Variants in BRINP3 observed in about 807,000 individuals in gnomAD.
The protein encoded by BRINP3 is BMP/retinoic acid inducible neural specific 3.
In BRINP3, 19 loss-of-function variants were observed where a neutral mutation model predicts 71.0. The observed-to-expected ratio is 0.27, with a 90% CI of 0.19 to 0.39. The LOEUF is 0.39. BRINP3 is among the 10% of genes least tolerant of loss of function. The pLI is 1.00. For missense variants in BRINP3, 959 were observed against 940.8 expected (o/e 1.02, Z -0.25); for synonymous variants, 380 against 337.7 (o/e 1.13, Z -1.37).
chr1:190,242,137 C>G (rs1458214018), intron 4 of BRINP3, among the ~76,000 whole-genome samples: 4 of 151,754 alleles, frequency 2.6e-5, no homozygotes, highest in Non-Finnish European at 4.4e-5. Context: ...TTATAAGATG[C>G]ATTAAAAACA....
chr1:190,459,376 C>T (rs1039976419), intron 1 of BRINP3, among the ~76,000 whole-genome samples: 1 of 151,340 alleles, frequency 6.6e-6, no homozygotes, highest in African/African-American at 2.4e-5. Context: ...GGTGGTGGTA[C>T]CTTACTTTTA....
chr1:190,473,899 AC>A (rs551856998), intron 1 of BRINP3, among the ~76,000 whole-genome samples: 3 of 141,628 alleles, frequency 2.1e-5, no homozygotes, highest in African/African-American at 7.9e-5. Context: ...AACCCAACCC[AC>A]CCCCACCTCA....
intron 4 of BRINP3, among the ~76,000 whole-genome samples, chr1:190,263,277 T>A (rs1384034362): frequency 6.6e-6 from 1 of 152,170 alleles, no homozygotes; most frequent in African/African-American, 2.4e-5. Context: ...TCTGCATTCA[T>A]GCTGGCTACA....
At chr1:190,246,573 T>C (rs2102794344) in intron 4 of BRINP3, among the ~76,000 whole-genome samples, 1 of 152,190 alleles carries the variant, frequency 6.6e-6, no homozygotes, top group East Asian at 1.9e-4. Flanking sequence ...TTATGTGTTT[T>C]ACATTTTTCT....
At chr1:190,114,526 C>CTGTGTGTG (rs34766118) in intron 7 of BRINP3, among the ~76,000 whole-genome samples, 237 of 143,130 alleles carry the variant, frequency 1.7e-3, no homozygotes, top group South Asian at 4.8e-3. Context: ...AAGTTTGCCA[C>CTGTGTGTG]TGTGTGTGTG....
chr1:190,117,174 T>C (rs1653212228), intron 7 of BRINP3, among the ~76,000 whole-genome samples: 1 of 152,058 alleles, frequency 6.6e-6, no homozygotes, highest in Admixed American at 6.5e-5. Context: ...AGAAGAAGCA[T>C]CTTGTTAAAG....
intron 2 of BRINP3, among the ~76,000 whole-genome samples, chr1:190,283,087 C>G (rs533213643): frequency 2.5e-4 from 38 of 152,026 alleles, no homozygotes; most frequent in Non-Finnish European, 2.4e-4. Flanking sequence ...ACATATTTGA[C>G]AAACAGCCCA....
intron 2 of BRINP3, among the ~76,000 whole-genome samples, chr1:190,418,768 G>C (rs1444977618): frequency 6.6e-6 from 1 of 151,968 alleles, no homozygotes; most frequent in Non-Finnish European, 1.5e-5. Context: ...GTTACGTAAG[G>C]TATGAAGGGA....
At chr1:190,361,463 C>T (rs1669142503) in intron 2 of BRINP3, among the ~76,000 whole-genome samples, 1 of 151,970 alleles carries the variant, frequency 6.6e-6, no homozygotes, top group African/African-American at 2.4e-5. Context: ...AGTGCAGTGG[C>T]ACTATTTCAG....
intron 2 of BRINP3, among the ~76,000 whole-genome samples, chr1:190,398,301 C>T (rs1671709215): frequency 2.0e-5 from 3 of 151,872 alleles, no homozygotes; most frequent in Admixed American, 2.0e-4. Context: ...AGTTTTAAAA[C>T]CTTCTCTGAT....
intron 4 of BRINP3, among the ~76,000 whole-genome samples, chr1:190,253,706 T>A (rs1308611065): frequency 6.6e-6 from 1 of 152,166 alleles, no homozygotes; most frequent in South Asian, 2.1e-4. Flanking sequence ...ATTGCAAAAA[T>A]TTTCTCCCAT....
rs1453746804 is a variant in BRINP3 at position 190,138,142 on chromosome 1, C to T, written c.1184+22526G>A. 9.9e-5 allele frequency among the ~76,000 whole-genome samples: 15 copies of T among 152,048 alleles called. 1 individual carries two copies. The South Asian group carries it at 1.9e-3, about 19-fold the overall frequency. ...GCTAATTTTGTATTTTTAGTAAAGA[C>T]GGGGTTTCTCCATGTTGGTCAGTCT... On this transcript the variant is annotated intron_variant, in intron 7 of 7. Coordinates refer to ENST00000367462, the MANE Select transcript of BRINP3 (RefSeq NM_199051.3).
At chr1:190,124,100 A>G (rs1653896180) in intron 7 of BRINP3, among the ~76,000 whole-genome samples, 1 of 152,178 alleles carries the variant, frequency 6.6e-6, no homozygotes, top group Non-Finnish European at 1.5e-5. Context: ...TCTTCAGTGC[A>G]ACAGTGTTGG....
chr1:190,145,330 C>T (rs1263468955), intron 7 of BRINP3, among the ~76,000 whole-genome samples: 1 of 151,916 alleles, frequency 6.6e-6, no homozygotes, highest in African/African-American at 2.4e-5. Flanking sequence ...CATCTAAATC[C>T]CATTTAATTT....
intron 6 of BRINP3, among the ~76,000 whole-genome samples, chr1:190,225,663 G>A (rs1464368007): frequency 6.6e-6 from 1 of 151,972 alleles, no homozygotes; most frequent in Non-Finnish European, 1.5e-5. Context: ...CTTCATTGTA[G>A]AAATAAGTGA....
At chr1:190,329,499 C>A (rs1666824749) in intron 2 of BRINP3, among the ~76,000 whole-genome samples, 1 of 151,460 alleles carries the variant, frequency 6.6e-6, no homozygotes, top group Non-Finnish European at 1.5e-5. Flanking sequence ...GACCTCTACA[C>A]AGCTACAAAA....
At chr1:190,418,950 G>T (rs1172800433) in intron 2 of BRINP3, among the ~76,000 whole-genome samples, 1 of 151,950 alleles carries the variant, frequency 6.6e-6, no homozygotes, top group Non-Finnish European at 1.5e-5. Flanking sequence ...TAAATTATAT[G>T]ATTTTTACTA....
intron 1 of BRINP3, among the ~76,000 whole-genome samples, chr1:190,467,863 T>G (rs2102693228): frequency 6.6e-6 from 1 of 151,552 alleles, no homozygotes; most frequent in Admixed American, 6.6e-5. Flanking sequence ...GATAACAGTC[T>G]TTACATAAAA....
chr1:190,115,815 G>A (rs1653086538), intron 7 of BRINP3, among the ~76,000 whole-genome samples: 1 of 152,054 alleles, frequency 6.6e-6, no homozygotes, highest in Non-Finnish European at 1.5e-5. Context: ...TATAGACTAT[G>A]GTGGATGAAA....
Sources: gnomAD v4.1 joint callset for allele counts (sites outside exome capture counted in the v4.1 genomes callset) on GRCh38, gnomAD v4.1.1 for gene constraint, MANE v1.5 for transcripts, NCBI Gene and HGNC (gene_info 2026-07-23, HGNC 2026-07-21) for gene names.